Variants in B4GALNT3 observed in about 807,000 individuals in gnomAD.
B4GALNT3 encodes the protein beta-1,4-N-acetylgalactosaminyltransferase 3.
Under a neutral mutation model 120.2 loss-of-function variants are expected in B4GALNT3, and 86 were observed. The ratio of observed to expected loss-of-function variants is 0.72; its 90% confidence interval spans 0.60 to 0.86. The LOEUF is 0.86. Ranked by LOEUF, B4GALNT3 falls within the 40% of genes least tolerant of loss-of-function variation. The pLI is 0.00. For synonymous variants in B4GALNT3, 518 were observed against 510.4 expected, an observed-to-expected ratio of 1.01 and a Z score of -0.20; for missense variants, 1,167 against 1,298.9, an observed-to-expected ratio of 0.90 and a Z score of 1.56.
At chr12:560,340 T>TC (rs1189289604) in intron 19 of B4GALNT3, among the ~76,000 whole-genome samples, 1 of 152,096 alleles carries the variant, frequency 6.6e-6, no homozygotes, top group Non-Finnish European at 1.5e-5. Context: ...AGTCACTGGG[T>TC]CCCTATACAT....
intron 1 of B4GALNT3, among the ~76,000 whole-genome samples, chr12:514,141 T>C (rs1946625590): frequency 6.6e-6 from 1 of 152,126 alleles, no homozygotes; most frequent in South Asian, 2.1e-4. Flanking sequence ...TCACCAGCCA[T>C]GTATGAGGGT....
chr12:539,378 T>C (rs1451230675), intron 3 of B4GALNT3, among the ~76,000 whole-genome samples: 1 of 152,044 alleles, frequency 6.6e-6, no homozygotes, highest in Non-Finnish European at 1.5e-5. Context: ...AAACCCAAGA[T>C]AGTTACAAGA....
At chr12:496,888 T>C (rs2120524202) in intron 1 of B4GALNT3, among the ~76,000 whole-genome samples, 1 of 152,246 alleles carries the variant, frequency 6.6e-6, no homozygotes, top group South Asian at 2.1e-4. Context: ...GTTTATTCTA[T>C]TTATTTAGAG....
intron 10 of B4GALNT3, 25 bp downstream of exon 10, chr12:549,937 G>T (rs558955915): frequency 6.0e-5 from 95 of 1,586,278 alleles, no homozygotes; most frequent in Non-Finnish European, 7.2e-5. Context: ...AGCGCTTGGC[G>T]TCCTTTCTGG....
At chr12:538,972 C>T (rs186714684) in intron 3 of B4GALNT3, among the ~76,000 whole-genome samples, 1 of 152,326 alleles carries the variant, frequency 6.6e-6, no homozygotes, top group African/African-American at 2.4e-5. Flanking sequence ...ATCCCTCTTC[C>T]AGATAATGGC....
In B4GALNT3 at chr12:549,936, C is replaced by T. The variant is rs188519783; in HGVS notation, c.997+24C>T. On this transcript the variant is annotated intron_variant, in intron 10 of 19. Coordinates refer to ENST00000266383, the MANE Select transcript of B4GALNT3 (RefSeq NM_173593.4). The stretch of plus-strand genomic sequence containing the variant: ...AGGTAAGGCCTCGGCCAGCGCTTGG[C>T]GTCCTTTCTGGGGACACTGCACTGC... 6.9e-4 allele frequency: 1,104 copies of T among 1,588,996 alleles called. 11 individuals are homozygous for T. The Admixed American group carries it at 0.017, about 25-fold the overall frequency.
chr12:508,822 CTT>C (rs1023644511), intron 1 of B4GALNT3, among the ~76,000 whole-genome samples: 2 of 152,352 alleles, frequency 1.3e-5, no homozygotes, highest in South Asian at 2.1e-4. Flanking sequence ...AGACAACTCT[CTT>C]TGTCTCATGC....
In B4GALNT3 at chr12:556,746, G is replaced by A; in HGVS notation, c.2260G>A (p.Val754Ile). Residue 754 changes from valine (V) to isoleucine (I), a missense_variant, in exon 15 of 20, where the codon GTC becomes ATC. Val to Ile is a conservative substitution (Grantham distance 29). Transcript: ENST00000266383. Reference sequence around the variant, plus strand: ...CGAGGCCCGGAACCTGCAAGGCCTGGTCTGGGACCCACACAACCGTAGGAG... The same window carrying A: ...CGAGGCCCGGAACCTGCAAGGCCTGATCTGGGACCCACACAACCGTAGGAG... The part of the protein sequence containing the change: ...EVEARNLQGL[V>I]WDPHNRRRQV... 1 of 1,612,816 alleles carries A rather than the reference G, an allele frequency of 6.2e-7. No homozygotes were observed. The highest frequency in any genetic ancestry group is 1.1e-5 in the South Asian group (1 of 90,918).
At chr12:486,364 TGCACCCG>T (rs1946291133) in intron 1 of B4GALNT3, among the ~76,000 whole-genome samples, 1 of 152,002 alleles carries the variant, frequency 6.6e-6, no homozygotes, top group East Asian at 1.9e-4. Flanking sequence ...TGCCTGCCAC[TGCACCCG>T]GCTAATTTTT....
At position 544,875 on chromosome 12, in the gene B4GALNT3, G is replaced by A; in HGVS notation, c.448-7G>A. On this transcript the variant is annotated splice_region_variant and splice_polypyrimidine_tract_variant and intron_variant, in intron 4 of 19. Transcript: ENST00000266383. ...GGTAACTGTTTCCTTCCCCTTTCTT[G>A]GCATAGATTCGCACAACCCTGAGGA... 6.2e-7 allele frequency: 1 copy of A among 1,612,970 alleles called. No homozygotes were observed. Among genetic ancestry groups the A allele is most frequent in the Non-Finnish European group, 8.5e-7 (1 of 1,179,410 alleles).
intron 1 of B4GALNT3, among the ~76,000 whole-genome samples, chr12:497,604 G>A (rs900866702): frequency 2.0e-5 from 3 of 152,154 alleles, no homozygotes; most frequent in Admixed American, 1.3e-4. Context: ...TTGAATATCT[G>A]TTTTCATTTC....
intron 1 of B4GALNT3, among the ~76,000 whole-genome samples, chr12:497,247 G>A (rs11831197): frequency 0.034 from 5,240 of 152,174 alleles, 307 homozygotes; most frequent in African/African-American, 0.12. Flanking sequence ...TCCGCCTCCC[G>A]GGTTCAAGCG....
Position 536,280 on chromosome 12 carries a change from C to A in B4GALNT3, c.336C>A (p.Val112=), listed in dbSNP as rs1946858617. 2 of 1,613,296 alleles carry A rather than the reference C, an allele frequency of 1.2e-6. No homozygotes were observed. The highest frequency in any genetic ancestry group is 1.7e-6 in the Non-Finnish European group (2 of 1,179,364). Residue 112 remains valine (V), a synonymous_variant, in exon 3 of 20, where the codon GTC becomes GTA. Coordinates refer to ENST00000266383, the MANE Select transcript of B4GALNT3 (RefSeq NM_173593.4). ...NSSYLKWNKP[V]PWLSEFRGRA... ...GCTACTTGAAGTGGAACAAGCCTGT[C>A]CCCTGGCTCTCAGAGGTGAGGGACT...
intron 1 of B4GALNT3, among the ~76,000 whole-genome samples, chr12:511,013 CTTTTTTTTTTTTTTTTTTTTTTTT>C (rs762032000): frequency 1.3e-3 from 58 of 43,910 alleles, no homozygotes; most frequent in African/African-American, 3.6e-3. Flanking sequence ...TTTGCCTATT[CTTTTTTTTTTTTTTTTTTTTTTTT>C]TTTTTTTTTT....
At chr12:494,203 G>A (rs1286693069) in intron 1 of B4GALNT3, among the ~76,000 whole-genome samples, 5 of 151,642 alleles carry the variant, frequency 3.3e-5, no homozygotes, top group Admixed American at 1.3e-4. Flanking sequence ...GCTTGAGCCC[G>A]GAAGGTCAAG....
At chr12:536,390 C>CTTT in intron 3 of B4GALNT3, 95 bp downstream of exon 3, 1 of 991,190 alleles carries the variant, frequency 1.0e-6, no homozygotes, top group Non-Finnish European at 1.6e-6. Flanking sequence ...CTACTAGGGA[C>CTTT]CTTCTACCGT....
chr12:491,015 CCTAA>C (rs143046654), intron 1 of B4GALNT3, among the ~76,000 whole-genome samples: 15,997 of 152,126 alleles, frequency 0.11, 966 homozygotes, highest in East Asian at 0.21. Context: ...GGGAATACTA[CCTAA>C]CTAATTCTAT....
intron 1 of B4GALNT3, among the ~76,000 whole-genome samples, chr12:522,941 T>TAAAAAAAAAAA (rs61096976): frequency 1.7e-5 from 1 of 58,018 alleles, no homozygotes. Flanking sequence ...AGACTCTGTT[T>TAAAAAAAAAAA]AAAAAAAAAA....
At chr12:492,829 T>G (rs1946355779) in intron 1 of B4GALNT3, among the ~76,000 whole-genome samples, 1 of 151,890 alleles carries the variant, frequency 6.6e-6, no homozygotes. Context: ...ATTCAACTGG[T>G]CTTTGATAGA....
Sources: gnomAD v4.1 joint callset for allele counts (sites outside exome capture counted in the v4.1 genomes callset) on GRCh38, gnomAD v4.1.1 for gene constraint, MANE v1.5 for transcripts, NCBI Gene and HGNC (gene_info 2026-07-23, HGNC 2026-07-21) for gene names.